AGMO: variants seen among roughly 807,000 people sequenced by gnomAD.
AGMO encodes the protein alkylglycerol monooxygenase.
AGMO carries 75 observed loss-of-function variants against 60.2 expected under a neutral mutation model. The ratio of observed to expected loss-of-function variants is 1.25; its 90% confidence interval spans 1.03 to 1.51. The LOEUF is 1.51. Ranked by LOEUF, AGMO falls within the 40% of genes most tolerant of loss-of-function variation. AGMO has a pLI of 0.00. For synonymous variants in AGMO, 261 were observed against 177.1 expected (o/e 1.47, Z -3.76); for missense variants, 763 against 525.5 (o/e 1.45, Z -4.42).
intron 12 of AGMO, among the ~76,000 whole-genome samples, chr7:15,278,651 C>T (rs1199653160): frequency 1.3e-5 from 2 of 152,164 alleles, no homozygotes; most frequent in East Asian, 3.9e-4. Flanking sequence ...TAATACACAG[C>T]CTGCTTGCAT....
intron 3 of AGMO, among the ~76,000 whole-genome samples, chr7:15,432,617 A>G (rs1781287092): frequency 1.3e-5 from 2 of 151,770 alleles, no homozygotes; most frequent in African/African-American, 2.4e-5. Context: ...ATATTTTTCA[A>G]TGGAACACGT....
At position 15,353,859 on chromosome 7, in the gene AGMO, A is replaced by AT. The variant is rs539863039; in HGVS notation, c.1263+11654dup. On this transcript the variant is annotated intron_variant, in intron 12 of 12. Coordinates refer to ENST00000342526, the MANE Select transcript of AGMO (RefSeq NM_001004320.2). ...GGACAGGTGAGTAAGAATATAAGCT[A>AT]TATTTGTGTCTTTTAATTGCCTTAA... Among the ~76,000 whole-genome samples the AT allele has an allele frequency of 4.9e-3, 744 of 152,284 alleles. 12 individuals carry two copies. The highest frequency in any genetic ancestry group is 2.6e-3 in the Non-Finnish European group (180 of 68,032).
intron 3 of AGMO, among the ~76,000 whole-genome samples, chr7:15,526,129 G>A (rs1048545402): frequency 7.2e-5 from 11 of 152,278 alleles, no homozygotes; most frequent in African/African-American, 2.4e-4. Flanking sequence ...GGCACTGCCC[G>A]GCGGGCTGAG....
At chr7:15,142,512 T>G in the AGMO span, among the ~76,000 whole-genome samples, 1 of 152,348 alleles carries the variant, frequency 6.6e-6, no homozygotes. Context: ...CCATAATTTC[T>G]TCTTCTAAAC....
intron 10 of AGMO, among the ~76,000 whole-genome samples, chr7:15,385,159 T>C (rs1249166836): frequency 6.6e-6 from 1 of 152,226 alleles, no homozygotes; most frequent in Non-Finnish European, 1.5e-5. Context: ...ATTTTTATTG[T>C]AATTGTTTTA....
At chr7:15,540,227 C>T (rs1485552799) in intron 3 of AGMO, among the ~76,000 whole-genome samples, 5 of 152,154 alleles carry the variant, frequency 3.3e-5, no homozygotes, top group Admixed American at 6.5e-5. Context: ...AAGACTCAGA[C>T]ATCTCTGGAG....
chr7:15,235,508 C>A (rs1375099823), intron 12 of AGMO, among the ~76,000 whole-genome samples: 2 of 152,076 alleles, frequency 1.3e-5, no homozygotes, highest in Admixed American at 6.6e-5. Context: ...AAATTCTCTT[C>A]AAATTGGATG....
At chr7:15,137,298 C>T in the AGMO span, among the ~76,000 whole-genome samples, 6 of 152,116 alleles carry the variant, frequency 3.9e-5, 1 homozygote, top group Admixed American at 1.3e-4. Flanking sequence ...CTTTTTTATA[C>T]GTTTTCCTCA....
At position 15,418,498 on chromosome 7, in the gene AGMO, C is replaced by G. The variant is rs1780837810; in HGVS notation, c.609+60G>C. The G allele has an allele frequency of 1.0e-5, 11 of 1,053,146 alleles. No homozygotes were observed. The Admixed American group carries it at 2.2e-4, about 21-fold the overall frequency. The allele number at this position is 1,053,146 out of a possible 1,614,324, so 65.2% of individuals were successfully genotyped here. A position where few individuals can be genotyped will look rare whatever the true frequency, so the allele number is the denominator to read the frequency against. Reference sequence around the variant, plus strand: ...CAATAAATCATCTGCTAGTGGATTTCCAGGACATTGCTTCAGGCTGTTTAG... The same window carrying G: ...CAATAAATCATCTGCTAGTGGATTTGCAGGACATTGCTTCAGGCTGTTTAG... On this transcript the variant is annotated intron_variant, in intron 5 of 12. Coordinates refer to ENST00000342526, the MANE Select transcript of AGMO (RefSeq NM_001004320.2).
chr7:15,493,362 C>CACAT (rs71004386), intron 3 of AGMO, among the ~76,000 whole-genome samples: 11,006 of 102,126 alleles, frequency 0.11, 869 homozygotes, highest in Admixed American at 0.16. Flanking sequence ...CACACACACA[C>CACAT]TTCTTTTTTT....
chr7:15,198,196 C>CGAGAGA (rs748392069), downstream of AGMO, among the ~76,000 whole-genome samples: 463 of 77,336 alleles, frequency 6.0e-3, 16 homozygotes, highest in East Asian at 0.01. Flanking sequence ...AGGGCTTTCC[C>CGAGAGA]GAGAGAGAGA....
chr7:15,533,790 G>T (rs941846277), intron 3 of AGMO, among the ~76,000 whole-genome samples: 1 of 151,950 alleles, frequency 6.6e-6, no homozygotes, highest in Non-Finnish European at 1.5e-5. Context: ...TTTTTCCGGG[G>T]CTCTTCTGTT....
At chr7:15,353,224 A>C (rs796276367) in intron 12 of AGMO, among the ~76,000 whole-genome samples, 36 of 152,330 alleles carry the variant, frequency 2.4e-4, no homozygotes, top group African/African-American at 8.4e-4. Flanking sequence ...GGTAGATTAC[A>C]TCCACGAATA....
intron 12 of AGMO, among the ~76,000 whole-genome samples, chr7:15,227,962 T>C (rs1782140058): frequency 6.6e-6 from 1 of 152,076 alleles, no homozygotes; most frequent in Non-Finnish European, 1.5e-5. Flanking sequence ...AGCGATCCCC[T>C]TTTACACAGT....
At chr7:15,336,730 G>A (rs1184890547) in intron 12 of AGMO, among the ~76,000 whole-genome samples, 1 of 152,110 alleles carries the variant, frequency 6.6e-6, no homozygotes, top group African/African-American at 2.4e-5. Context: ...AAACTAAACT[G>A]TGTTATTTCT....
At chr7:15,199,107 T>C (rs936761467), downstream of AGMO, among the ~76,000 whole-genome samples, 1 of 152,174 alleles carries the variant, frequency 6.6e-6, no homozygotes, top group East Asian at 1.9e-4. Flanking sequence ...CAAGGACACC[T>C]TGGAGGTTAG....
In AGMO at chr7:15,390,850, A is replaced by G; in HGVS notation, c.732T>C (p.Asp244=). ...ATACATTTTACTTACCAAAAATTTT[A>G]TCCCAAATAATAAGAACACCAGCAT... ...KNYAGVLIIW[D]KIFGTFEAEN... Residue 244 remains aspartate, a synonymous_variant, in exon 7 of 13, where the codon GAT becomes GAC. Coordinates refer to ENST00000342526, the MANE Select transcript of AGMO (RefSeq NM_001004320.2). 1.2e-6 allele frequency: 2 copies of G among 1,605,376 alleles called. No homozygotes were observed. Among genetic ancestry groups the G allele is most frequent in the Non-Finnish European group, 1.7e-6 (2 of 1,174,480 alleles).
At chr7:15,234,337 A>G (rs1252939187) in intron 12 of AGMO, among the ~76,000 whole-genome samples, 1 of 152,092 alleles carries the variant, frequency 6.6e-6, no homozygotes, top group East Asian at 1.9e-4. Flanking sequence ...TTAGTGTCAC[A>G]TTTTTCTCTA....
At chr7:15,191,757 C>T in the AGMO span, among the ~76,000 whole-genome samples, 6 of 151,738 alleles carry the variant, frequency 4.0e-5, no homozygotes, top group African/African-American at 1.5e-4. Context: ...CTTTTATTTG[C>T]CAAGTTAGTA....
Sources: gnomAD v4.1 joint callset for allele counts (sites outside exome capture counted in the v4.1 genomes callset) on GRCh38, gnomAD v4.1.1 for gene constraint, MANE v1.5 for transcripts, NCBI Gene and HGNC (gene_info 2026-07-23, HGNC 2026-07-21) for gene names.